Variants in TRAPPC8 observed in about 807,000 individuals in gnomAD.
TRAPPC8 encodes general sporulation gene 1 homolog.
In TRAPPC8, 54 loss-of-function variants were observed where a neutral mutation model predicts 174.3. That is an observed-to-expected ratio of 0.31 (90% CI 0.25 to 0.39). The LOEUF is 0.39. Ranked by LOEUF, TRAPPC8 falls within the 10% of genes least tolerant of loss-of-function variation. The pLI is 1.00. For missense variants in TRAPPC8, 1,531 were observed against 1,699.1 expected (o/e 0.90, Z 1.74); for synonymous variants, 630 against 579.9 (o/e 1.09, Z -1.24).
At chr18:31,919,581 TAAATAAATA>T (rs1174970892) in intron 2 of TRAPPC8, among the ~76,000 whole-genome samples, 10 of 106,962 alleles carry the variant, frequency 9.3e-5, no homozygotes, top group Admixed American at 4.7e-4. Context: ...AATAAATAAA[TAAATAAATA>T]AAATAATAAT....
At position 31,855,789 on chromosome 18, in the gene TRAPPC8, G is replaced by A; in HGVS notation, c.3207C>T (p.His1069=). The A allele has an allele frequency of 6.3e-7, 1 of 1,593,436 alleles. No individual in the cohort carries two copies. Among genetic ancestry groups the A allele is most frequent in the Non-Finnish European group, 8.5e-7 (1 of 1,174,912 alleles). The change falls in exon 21 of 29, where the codon CAC becomes CAT. Residue 1069 remains histidine (H), a synonymous_variant. Coordinates refer to ENST00000283351, the MANE Select transcript of TRAPPC8 (RefSeq NM_014939.5). The part of the protein sequence containing the change: ...QPKIRHRILR[H]TAIICTSRSL... ...ACCGACTGGTACAAATAATTGCAGT[G>A]TGTCTTAATATTCTGTGCCTGAAGT...
chr18:31,840,288 C>T (rs1412083168), intron 26 of TRAPPC8, among the ~76,000 whole-genome samples: 1 of 145,102 alleles, frequency 6.9e-6, no homozygotes, highest in Non-Finnish European at 1.5e-5. Context: ...ACCCAGGAGG[C>T]GGAGGTTGTA....
intron 1 of TRAPPC8, among the ~76,000 whole-genome samples, chr18:31,939,105 G>A (rs1206442492): frequency 1.4e-4 from 13 of 95,680 alleles, no homozygotes; most frequent in South Asian, 4.9e-4. Flanking sequence ...AAAAAAAAAA[G>A]CTGTCTTTGA....
rs10650702 is a variant in TRAPPC8, at chr18:31,935,548, T to TAAAA, written c.158-4029_158-4026dup. Among the ~76,000 whole-genome samples, 18 of 46,284 alleles carry TAAAA rather than the reference T, an allele frequency of 3.9e-4. 3 individuals carry two copies. Among genetic ancestry groups the TAAAA allele is most frequent in the African/African-American group, 6.6e-4 (6 of 9,036 alleles). 30.4% of individuals were successfully genotyped at this position (46,284 alleles called of 152,430 possible). On this transcript the variant is annotated intron_variant, in intron 1 of 28. Coordinates refer to ENST00000283351, the MANE Select transcript of TRAPPC8 (RefSeq NM_014939.5). ...GGGCAACAAGAGCGAAACTCCATCT[T>TAAAA]AAAAAAAAAAAAAAAAAAAAGCAGG... is the stretch of plus-strand genomic sequence containing the variant.
chr18:31,926,942 T>C (rs1884384409), intron 2 of TRAPPC8, among the ~76,000 whole-genome samples: 1 of 152,078 alleles, frequency 6.6e-6, no homozygotes, highest in African/African-American at 2.4e-5. Flanking sequence ...TTATTTAAAT[T>C]TAAAACTTAT....
intron 10 of TRAPPC8, among the ~76,000 whole-genome samples, chr18:31,899,683 G>C (rs1212481044): frequency 6.6e-6 from 1 of 152,140 alleles, no homozygotes; most frequent in South Asian, 2.1e-4. Context: ...GCGGTGGCTC[G>C]CACCTGTAAT....
chr18:31,902,052 T>C (rs1247737343), intron 9 of TRAPPC8, among the ~76,000 whole-genome samples: 1 of 152,212 alleles, frequency 6.6e-6, no homozygotes, highest in Non-Finnish European at 1.5e-5. Context: ...TGGTGACGCA[T>C]GCCTGTAATC....
At chr18:31,880,787 G>A (rs1274036665) in intron 12 of TRAPPC8, among the ~76,000 whole-genome samples, 1 of 152,006 alleles carries the variant, frequency 6.6e-6, no homozygotes, top group African/African-American at 2.4e-5. Flanking sequence ...TAGTCATTAG[G>A]ATAAATGACT....
intron 27 of TRAPPC8, chr18:31,833,189 A>G (rs900384450): frequency 1.3e-5 from 2 of 152,184 alleles, no homozygotes; most frequent in African/African-American, 4.8e-5. Context: ...TTAAGTTCCA[A>G]TTGCATAATT....
chr18:31,857,394 T>G, intron 20 of TRAPPC8, 146 bp downstream of exon 20: 1 of 781,318 alleles, frequency 1.3e-6, no homozygotes, highest in Non-Finnish European at 1.9e-6. Context: ...TACAGTTCTA[T>G]TTGAGACAAT....
At position 31,832,190 on chromosome 18, in the gene TRAPPC8, A is replaced by G; in HGVS notation, c.3984-17T>C. The G allele has an allele frequency of 6.9e-7, 1 of 1,445,470 alleles. No individual in the cohort carries two copies. Among genetic ancestry groups the G allele is most frequent in the Non-Finnish European group, 9.1e-7 (1 of 1,096,196 alleles). The allele number at this position is 1,445,470 out of a possible 1,614,324, so 89.5% of individuals were successfully genotyped here. A position where few individuals can be genotyped will look rare whatever the true frequency, so the allele number is the denominator to read the frequency against. ...AAACAAAGGCTATGGAAGAAAAATAAACAAAAAAGTTATATATTTTTTTCT... is the reference window on the plus strand; with the variant it reads ...AAACAAAGGCTATGGAAGAAAAATAGACAAAAAAGTTATATATTTTTTTCT... On this transcript the variant is annotated splice_polypyrimidine_tract_variant and intron_variant, in intron 27 of 28. Coordinates refer to ENST00000283351, the MANE Select transcript of TRAPPC8 (RefSeq NM_014939.5).
chr18:31,833,429 C>T (rs2032497438), intron 27 of TRAPPC8: 1 of 152,180 alleles, frequency 6.6e-6, no homozygotes, highest in Admixed American at 6.6e-5. Flanking sequence ...CAGTCACTAA[C>T]CTCCACTCCC....
At chr18:31,864,834 T>C (rs2034510223) in intron 18 of TRAPPC8, 53 bp from the exon 19 acceptor site, 1 of 1,460,802 alleles carries the variant, frequency 6.8e-7, no homozygotes. Context: ...TTAACTGACA[T>C]CAATTTAACT....
At chr18:31,907,200 C>T (rs2036697499) in intron 9 of TRAPPC8, among the ~76,000 whole-genome samples, 1 of 151,974 alleles carries the variant, frequency 6.6e-6, no homozygotes, top group Non-Finnish European at 1.5e-5. Context: ...TCAGGCTGGT[C>T]TCAAACGCTT....
At chr18:31,836,727 G>C (rs569433931) in intron 27 of TRAPPC8, among the ~76,000 whole-genome samples, 2 of 151,300 alleles carry the variant, frequency 1.3e-5, no homozygotes, top group African/African-American at 2.4e-5. Flanking sequence ...TGGAACCTCT[G>C]GGGGTAGGAC....
At chr18:31,873,187 T>G (rs1451885980) in intron 14 of TRAPPC8, among the ~76,000 whole-genome samples, 1 of 151,764 alleles carries the variant, frequency 6.6e-6, no homozygotes, top group African/African-American at 2.4e-5. Flanking sequence ...CCAGCTAATT[T>G]TTTGTATTTT....
At position 31,928,070 on chromosome 18, in the gene TRAPPC8, C is replaced by T. The variant is rs1297473402; in HGVS notation, c.352+3259G>A. ...ACTCAGGAGGCTGGGGCAGAAGAAT[C>T]GTGTGAACCCAGGGGGAAGAGGTTG... On this transcript the variant is annotated intron_variant, in intron 2 of 28. Coordinates refer to ENST00000283351, the MANE Select transcript of TRAPPC8 (RefSeq NM_014939.5). Among the ~76,000 whole-genome samples, 6 of 140,352 alleles carry T rather than the reference C, an allele frequency of 4.3e-5. No homozygotes were observed. The South Asian group carries it at 1.2e-3, about 27-fold the overall frequency. 92.1% of individuals were successfully genotyped at this position (140,352 alleles called of 152,430 possible).
rs542625706 is a variant in TRAPPC8, at chr18:31,938,330, C to T, written c.157+4278G>A. ...AAACATACATCAAGCATAACAATCA[C>T]AGAAAATACATATAATAAATTTAAT... On this transcript the variant is annotated intron_variant, in intron 1 of 28. Transcript: ENST00000283351. Among the ~76,000 whole-genome samples the T allele has an allele frequency of 1.5e-4, 22 of 151,676 alleles. No homozygotes were observed. The South Asian group carries it at 4.6e-3, about 31-fold the overall frequency.
At chr18:31,873,366 G>A in intron 14 of TRAPPC8, 64 bp downstream of exon 14, 1 of 1,328,392 alleles carries the variant, frequency 7.5e-7, no homozygotes, top group Non-Finnish European at 1.0e-6. Context: ...TTTAAATGGA[G>A]AAAGGAAAAG....
Sources: gnomAD v4.1 joint callset for allele counts (sites outside exome capture counted in the v4.1 genomes callset) on GRCh38, gnomAD v4.1.1 for gene constraint, MANE v1.5 for transcripts, NCBI Gene and HGNC (gene_info 2026-07-23, HGNC 2026-07-21) for gene names.